Variants in CAVIN3 observed in about 807,000 individuals in gnomAD.
CAVIN3 encodes caveolae associated protein 3, also known as caveolae-associated protein 3.
A neutral mutation model predicts 8.2 loss-of-function variants in CAVIN3; 11 were observed. The ratio of observed to expected loss-of-function variants is 1.35; its 90% CI spans 0.85 to 2.23. The LOEUF is 2.23. Ranked by LOEUF, CAVIN3 falls within the 30% of genes most tolerant of loss-of-function variation. CAVIN3 has a pLI of 0.00. For missense variants in CAVIN3, 401 were observed against 359.5 expected (o/e 1.12, Z -0.93); for synonymous variants, 191 against 166.3 (o/e 1.15, Z -1.14).
intron 1 of CAVIN3, 160 bp from the exon 2 acceptor site, chr11:6,319,724 A>G (rs879374693): frequency 2.2e-6 from 2 of 904,858 alleles, no homozygotes; most frequent in South Asian, 1.4e-5. Flanking sequence ...CTGCGTGCGA[A>G]CTGCAAAACG....
rs11544765 is a variant in CAVIN3, at chr11:6,319,129, G to C, written c.*34C>G. ...CTGAAAGGATTTATTTTGGGACAAGGCACAAGCACAGGGGAGGCAGGCAAC... is the reference window on the plus strand; with the variant it reads ...CTGAAAGGATTTATTTTGGGACAAGCCACAAGCACAGGGGAGGCAGGCAAC... On this transcript the variant is annotated 3_prime_UTR_variant, in exon 2 of 2. Coordinates refer to ENST00000303927, the MANE Select transcript of CAVIN3 (RefSeq NM_145040.3). The C allele has an allele frequency of 5.9e-5, 89 of 1,505,450 alleles. No individual in the cohort carries two copies. The African/African-American group carries it at 1.2e-3, about 20-fold the overall frequency. 93.3% of individuals were successfully genotyped at this position (1,505,450 alleles called of 1,614,324 possible).
chr11:6,320,018 G>C lies in CAVIN3; in HGVS notation c.384+75C>G, dbSNP rs115417612. 2.1e-3 allele frequency: 3,085 copies of C among 1,443,902 alleles called. 60 individuals are homozygous for C. In the African/African-American group the frequency reaches 0.037, roughly 18 times the overall value. The allele number at this position is 1,443,902 out of a possible 1,614,324, so 89.4% of individuals were successfully genotyped here. On this transcript the variant is annotated intron_variant, in intron 1 of 1. Transcript: ENST00000303927. ...GGAATGTGGGTGTGGTAGGTGGATG[G>C]AAGCGGGGAGCCCCCAGCTGGTGGC...
Position 6,320,423 on chromosome 11 carries a change from A to G in CAVIN3, c.54T>C (p.Gly18=). 3 of 1,550,582 alleles carry G rather than the reference A, an allele frequency of 1.9e-6. No individual in the cohort carries two copies. The highest frequency in any genetic ancestry group is 1.7e-6 in the Non-Finnish European group (2 of 1,156,064). The change falls in exon 1 of 2, where the codon GGT becomes GGC. Residue 18 remains glycine (G), a synonymous_variant. Coordinates refer to ENST00000303927, the MANE Select transcript of CAVIN3 (RefSeq NM_145040.3). ...RGPVPEAPAG[G]PVHAVTVVTL... is the part of the protein sequence containing the mutation. ...TCACCACCGTCACGGCGTGCACGGGACCCCCCGCCGGCGCCTCGGGCACAG... is the reference window on the plus strand; with the variant it reads ...TCACCACCGTCACGGCGTGCACGGGGCCCCCCGCCGGCGCCTCGGGCACAG...
chr11:6,320,068 T>A (rs553842100), intron 1 of CAVIN3, 25 bp downstream of exon 1: 2 of 1,563,426 alleles, frequency 1.3e-6, no homozygotes. Context: ...AGGCCTCGGA[T>A]TGGGGACCGT....
Position 6,319,252 on chromosome 11 carries a change from C to G in CAVIN3, c.697G>C (p.Glu233Gln). ...TCGGTGTCCTGCGGAGGCTCTGGCT[C>G]CAGCGTGGGCTCCAGCGCAGGCTGG... is the stretch of plus-strand genomic sequence containing the variant. ...EAQPALEPTL[E>Q]PEPPQDTEED... is the part of the protein sequence containing the mutation. The change falls in exon 2 of 2, where the codon GAG becomes CAG. Residue 233 changes from glutamate (E) to glutamine (Q), a missense_variant. By Grantham distance (29) the Glu-to-Gln change is conservative (BLOSUM62 2). Transcript: ENST00000303927. 1 of 1,602,626 alleles carries G rather than the reference C, an allele frequency of 6.2e-7. No homozygotes were observed. Among genetic ancestry groups the G allele is most frequent in the Non-Finnish European group, 8.5e-7 (1 of 1,175,488 alleles).
At position 6,319,464 on chromosome 11, in the gene CAVIN3, A is replaced by C. The variant is rs140523064; in HGVS notation, c.485T>G (p.Val162Gly). The change falls in exon 2 of 2, where the codon GTT becomes GGT. Residue 162 changes from valine (V) to glycine (G), a missense_variant. Val to Gly is a moderately radical substitution (Grantham distance 109). Transcript: ENST00000303927. ...CGGCTCCTCGTCCGAGCTCTCTCCA[A>C]CTTCGGCCTCCAGCTGCTCTGGGCC... ...ELGPEQLEAE[V>G]GESSDEEPVE... The C allele has an allele frequency of 1.8e-5, 29 of 1,610,054 alleles. No individual in the cohort carries two copies. The Admixed American group carries it at 2.8e-4, about 16-fold the overall frequency.
rs371017691 is a variant in CAVIN3 at position 6,319,175 on chromosome 11, C to G, written c.774G>C (p.Glu258Asp). ...GCAACACCAGCCCTCAGGCTACACT[C>G]TCCATTTGGAGCAGAGCTTCTTCGG... is the stretch of plus-strand genomic sequence containing the variant. ...GAAEEALLQM[E>D]SVA Residue 258 changes from glutamate (E) to aspartate (D), a missense_variant, in exon 2 of 2, where the codon GAG becomes GAC. Glu to Asp is a conservative substitution (Grantham distance 45, BLOSUM62 2). Coordinates refer to ENST00000303927, the MANE Select transcript of CAVIN3 (RefSeq NM_145040.3). 2.4e-5 allele frequency: 36 copies of G among 1,529,558 alleles called. 1 individual carries two copies. The highest frequency in any genetic ancestry group is 1.8e-4 in the East Asian group (8 of 44,050). 94.7% of individuals were successfully genotyped at this position (1,529,558 alleles called of 1,614,324 possible). A position where few individuals can be genotyped will look rare whatever the true frequency, so the allele number is the denominator to read the frequency against.
chr11:6,319,557 CCCT>C lies in CAVIN3; in HGVS notation c.389_391del (p.Glu130del). 1.3e-6 allele frequency: 2 copies of C among 1,574,330 alleles called. No individual in the cohort carries two copies. The highest frequency in any genetic ancestry group is 4.6e-5 in the East Asian group (2 of 43,346). On this transcript the variant is annotated inframe_deletion, in exon 2 of 2. Coordinates refer to ENST00000303927, the MANE Select transcript of CAVIN3 (RefSeq NM_145040.3). ...CTGGAAAGCGCTGGCTGGGACTTCACCCTCCTCCTGCATGTGACGGACACAGCA... is the reference window on the plus strand; with the variant it reads ...CTGGAAAGCGCTGGCTGGGACTTCACCCTCCTGCATGTGACGGACACAGCA...
chr11:6,319,280 T>TTCCGGCTGGGCTTCAGCGC lies in CAVIN3; in HGVS notation c.650_668dup (p.Ala224ArgfsTer2), dbSNP rs757038346. ...GCGTGGGCTCCAGCGCAGGCTGGGC[T>TTCCGGCTGGGCTTCAGCGC]TCCGGCTGGGCTTCAGCGCTCCGGC... On this transcript the variant is annotated stop_gained and frameshift_variant, in exon 2 of 2. Coordinates refer to ENST00000303927, the MANE Select transcript of CAVIN3 (RefSeq NM_145040.3). LOFTEE classifies it low-confidence loss of function (END_TRUNC). 8.5e-5 allele frequency: 136 copies of TTCCGGCTGGGCTTCAGCGC among 1,609,210 alleles called. 1 individual carries two copies. In the African/African-American group the frequency reaches 1.7e-3, roughly 20 times the overall value.
At position 6,319,293 on chromosome 11, in the gene CAVIN3, TCAGCG is replaced by T; in HGVS notation, c.651_655del (p.Ser217ArgfsTer71). Reference sequence around the variant, plus strand: ...CGCAGGCTGGGCTTCCGGCTGGGCTTCAGCGCTCCGGCCAGGCCCAAGGCGAGGCG... The same window carrying T: ...CGCAGGCTGGGCTTCCGGCTGGGCTTCTCCGGCCAGGCCCAAGGCGAGGCG... On this transcript the variant is annotated frameshift_variant, in exon 2 of 2. Coordinates refer to ENST00000303927, the MANE Select transcript of CAVIN3 (RefSeq NM_145040.3). LOFTEE classifies it low-confidence loss of function (END_TRUNC). 6.2e-7 allele frequency: 1 copy of T among 1,609,610 alleles called. No individual in the cohort carries two copies. The highest frequency in any genetic ancestry group is 1.1e-5 in the South Asian group (1 of 90,556).
chr11:6,318,977 CGCAAGCAG>C lies in CAVIN3; in HGVS notation c.*178_*185del. On this transcript the variant is annotated 3_prime_UTR_variant, in exon 2 of 2. Coordinates refer to ENST00000303927, the MANE Select transcript of CAVIN3 (RefSeq NM_145040.3). Reference sequence around the variant, plus strand: ...TGAAATTACTTTTATTGATGGTGAGCGCAAGCAGGTGTGAGTGACTGCACCTCTTTCAG... The same window carrying C: ...TGAAATTACTTTTATTGATGGTGAGCGTGTGAGTGACTGCACCTCTTTCAG... 2.7e-5 allele frequency: 14 copies of C among 514,134 alleles called. No individual in the cohort carries two copies. Among genetic ancestry groups the C allele is most frequent in the South Asian group, 2.4e-4 (5 of 20,534 alleles). The allele number at this position is 514,134 out of a possible 1,614,324, so 31.8% of individuals were successfully genotyped here.
rs1338906270 is a variant in CAVIN3, at chr11:6,320,157, T to G, written c.320A>C (p.Gln107Pro). ...ERAVRRAAQV[Q>P]RLEANHGLLV... ...CAGCCCGTGGTTGGCCTCCAGCCGC[T>G]GCACCTGGGCTGCGCGGCGCACCGC... The change falls in exon 1 of 2, where the codon CAG (glutamine) becomes CCG (proline). Residue 107 changes from glutamine to proline, a missense_variant. Gln to Pro is a moderately conservative substitution (Grantham distance 76, BLOSUM62 -1). Transcript: ENST00000303927. The G allele has an allele frequency of 1.3e-6, 2 of 1,585,308 alleles. No individual in the cohort carries two copies. Among genetic ancestry groups the G allele is most frequent in the South Asian group, 2.2e-5 (2 of 89,244 alleles).
chr11:6,319,793 A>T (rs1380659315), intron 1 of CAVIN3: 5 of 678,320 alleles, frequency 7.4e-6, no homozygotes, highest in African/African-American at 7.1e-5. Context: ...GCAGTCACGG[A>T]ATGCCCTTTC....
intron 1 of CAVIN3, 70 bp downstream of exon 1, chr11:6,320,023 G>C: frequency 6.9e-7 from 1 of 1,456,810 alleles, no homozygotes; most frequent in Non-Finnish European, 9.1e-7. Context: ...GGATGGAAGC[G>C]GGGAGCCCCC....
At chr11:6,319,608 C>T in intron 1 of CAVIN3, 44 bp from the exon 2 acceptor site, 2 of 1,539,166 alleles carry the variant, frequency 1.3e-6, no homozygotes, top group East Asian at 4.8e-5. Flanking sequence ...GCTCCTTACC[C>T]CCAGCAGCCC....
intron 1 of CAVIN3, 163 bp downstream of exon 1, chr11:6,319,930 G>GGCTGGC (rs1846796314): frequency 1.2e-6 from 1 of 828,210 alleles, no homozygotes; most frequent in East Asian, 2.7e-5. Context: ...ATGGGGCTGG[G>GGCTGGC]TCTTGGGAAG....
chr11:6,320,274 C>G lies in CAVIN3; in HGVS notation c.203G>C (p.Ser68Thr), dbSNP rs11544766. ...GTTGCTGGTGGTGTCGTGGCTGCGA[C>G]TCAGAGCGCCCAGGCCGCTCTGGAT... is the stretch of plus-strand genomic sequence containing the variant. ...RRIQSGLGAL[S>T]RSHDTTSNTL... The change falls in exon 1 of 2, where the codon AGT (serine) becomes ACT (threonine). Residue 68 changes from serine to threonine, a missense_variant. By Grantham distance (58) the Ser-to-Thr change is moderately conservative. Coordinates refer to ENST00000303927, the MANE Select transcript of CAVIN3 (RefSeq NM_145040.3). The G allele has an allele frequency of 5.2e-4, 809 of 1,565,872 alleles. 1 individual carries two copies. The African/African-American group carries it at 9.7e-3, about 19-fold the overall frequency.
In CAVIN3 at chr11:6,319,162, C is replaced by T; in HGVS notation, c.*1G>A. 1 of 1,515,878 alleles carries T rather than the reference C, an allele frequency of 6.6e-7. No individual in the cohort carries two copies. The highest frequency in any genetic ancestry group is 8.8e-7 in the Non-Finnish European group (1 of 1,133,762). The allele number at this position is 1,515,878 out of a possible 1,614,324, so 93.9% of individuals were successfully genotyped here. ...ACAGGGGAGGCAGGCAACACCAGCC[C>T]TCAGGCTACACTCTCCATTTGGAGC... is the stretch of plus-strand genomic sequence containing the variant. On this transcript the variant is annotated 3_prime_UTR_variant, in exon 2 of 2. Transcript: ENST00000303927.
At chr11:6,319,903 AG>A in intron 1 of CAVIN3, 189 bp downstream of exon 1, 1 of 733,270 alleles carries the variant, frequency 1.4e-6, no homozygotes, top group South Asian at 1.9e-5. Context: ...GGCGGGGCTC[AG>A]GCGTGAGAGG....
Sources: gnomAD v4.1 joint callset for allele counts on GRCh38, gnomAD v4.1.1 for gene constraint, MANE v1.5 for transcripts, NCBI Gene and HGNC (gene_info 2026-07-23, HGNC 2026-07-21) for gene names.